Variants in KHDRBS2 observed in about 807,000 individuals in gnomAD.
KHDRBS2 encodes KH RNA binding domain containing, signal transduction associated 2.
A neutral mutation model predicts 44.3 loss-of-function variants in KHDRBS2; 26 were observed. The ratio of observed to expected loss-of-function variants is 0.59; its 90% CI spans 0.43 to 0.81. The LOEUF (loss-of-function observed/expected upper bound fraction) is 0.81. KHDRBS2 is among the 40% of genes least tolerant of loss of function. The probability of loss-of-function intolerance (pLI) is 0.00; values close to 1 mark genes in which losing one functional copy is unlikely to be tolerated. For synonymous variants in KHDRBS2, 194 were observed against 151.1 expected (o/e 1.28, Z -2.08); for missense variants, 476 against 433.1 (o/e 1.10, Z -0.88).
chr6:62,189,239 C>T (rs570584958), intron 1 of KHDRBS2, among the ~76,000 whole-genome samples: 1 of 152,212 alleles, frequency 6.6e-6, no homozygotes, highest in African/African-American at 2.4e-5. Context: ...TTGTGAGGAA[C>T]TGAAGCCTTT....
the KHDRBS2 span, among the ~76,000 whole-genome samples, chr6:61,607,704 T>C: frequency 8.5e-5 from 13 of 152,260 alleles, no homozygotes; most frequent in South Asian, 2.7e-3. Context: ...TTTTCTTTTT[T>C]TGAGGCAGAG....
intron 2 of KHDRBS2, among the ~76,000 whole-genome samples, chr6:62,112,056 A>G (rs1584776050): frequency 6.6e-6 from 1 of 152,140 alleles, no homozygotes; most frequent in South Asian, 2.1e-4. Context: ...ATTATTTTTA[A>G]CTGATACGTG....
intron 3 of KHDRBS2, among the ~76,000 whole-genome samples, chr6:62,032,595 C>T (rs1419641722): frequency 6.6e-6 from 1 of 151,142 alleles, no homozygotes; most frequent in Non-Finnish European, 1.5e-5. Context: ...CAAGAGAACC[C>T]TGACAAATAA....
At chr6:61,769,183 G>A (rs1780444797) in intron 6 of KHDRBS2, among the ~76,000 whole-genome samples, 2 of 152,210 alleles carry the variant, frequency 1.3e-5, no homozygotes, top group Admixed American at 1.3e-4. Flanking sequence ...TGGGAGGGAG[G>A]AGCCAAGATG....
chr6:62,022,717 C>T (rs570528448), intron 3 of KHDRBS2, among the ~76,000 whole-genome samples: 9 of 151,722 alleles, frequency 5.9e-5, no homozygotes, highest in African/African-American at 1.9e-4. Context: ...CATTCAAAGA[C>T]CAATAGAATT....
chr6:61,847,282 G>A (rs1794556917), intron 6 of KHDRBS2, among the ~76,000 whole-genome samples: 1 of 152,026 alleles, frequency 6.6e-6, no homozygotes, highest in South Asian at 2.1e-4. Flanking sequence ...ACTTATATTT[G>A]TAAATACTTT....
intron 1 of KHDRBS2, among the ~76,000 whole-genome samples, chr6:62,201,251 G>T (rs1248407094): frequency 1.3e-5 from 2 of 151,708 alleles, no homozygotes; most frequent in Non-Finnish European, 2.9e-5. Context: ...AAATTTTAGA[G>T]TAGGGACAAG....
intron 2 of KHDRBS2, among the ~76,000 whole-genome samples, chr6:62,140,984 T>G (rs1371947000): frequency 6.6e-6 from 1 of 152,192 alleles, no homozygotes; most frequent in Non-Finnish European, 1.5e-5. Flanking sequence ...GAACAATAAT[T>G]TATAATCAGG....
At chr6:61,922,787 T>G (rs547586953) in intron 4 of KHDRBS2, among the ~76,000 whole-genome samples, 2 of 152,098 alleles carry the variant, frequency 1.3e-5, no homozygotes, top group African/African-American at 4.8e-5. Flanking sequence ...CCTAATAGAG[T>G]CCAACAATTT....
intron 3 of KHDRBS2, among the ~76,000 whole-genome samples, chr6:62,021,712 T>C (rs902765885): frequency 1.3e-4 from 19 of 151,706 alleles, no homozygotes; most frequent in African/African-American, 4.8e-5. Flanking sequence ...GATCTTTTGA[T>C]ACCCTTTTGA....
chr6:62,067,952 G>A (rs192117804), intron 2 of KHDRBS2, among the ~76,000 whole-genome samples: 30 of 151,664 alleles, frequency 2.0e-4, no homozygotes, highest in African/African-American at 7.2e-4. Context: ...TTTAACAGCG[G>A]ACACTTGAGT....
At chr6:61,609,918 A>T in the KHDRBS2 span, among the ~76,000 whole-genome samples, 89,883 of 152,002 alleles carry the variant, frequency 0.59, 26,781 homozygotes, top group Non-Finnish European at 0.61. Context: ...TCACGCCTAA[A>T]ATCCCAGCAT....
At chr6:62,275,261 C>T (rs1840739891) in intron 1 of KHDRBS2, among the ~76,000 whole-genome samples, 1 of 152,080 alleles carries the variant, frequency 6.6e-6, no homozygotes, top group South Asian at 2.1e-4. Flanking sequence ...CATTCCAAAG[C>T]AATATCATAA....
chr6:61,742,411 T>G (rs938301664), intron 6 of KHDRBS2, among the ~76,000 whole-genome samples: 3 of 152,052 alleles, frequency 2.0e-5, no homozygotes, highest in Non-Finnish European at 2.9e-5. Flanking sequence ...TTTTGATAGT[T>G]ACTATTTCTT....
intron 3 of KHDRBS2, among the ~76,000 whole-genome samples, chr6:62,001,903 C>T (rs1343799640): frequency 2.0e-5 from 3 of 152,016 alleles, no homozygotes; most frequent in Non-Finnish European, 4.4e-5. Flanking sequence ...TCTTGCATGG[C>T]TTTTACTGAA....
At chr6:62,272,649 T>C (rs1840272968) in intron 1 of KHDRBS2, among the ~76,000 whole-genome samples, 1 of 152,062 alleles carries the variant, frequency 6.6e-6, no homozygotes, top group African/African-American at 2.4e-5. Flanking sequence ...ATGTTGGCAG[T>C]GAGTGGTCAG....
At chr6:62,196,767 G>T (rs558995581) in intron 1 of KHDRBS2, among the ~76,000 whole-genome samples, 1 of 152,166 alleles carries the variant, frequency 6.6e-6, no homozygotes, top group African/African-American at 2.4e-5. Flanking sequence ...GGCCAAACAG[G>T]CAAGGACTTG....
chr6:61,945,108 A>ATTT, intron 4 of KHDRBS2, among the ~76,000 whole-genome samples: 1 of 54,996 alleles, frequency 1.8e-5, no homozygotes, highest in Non-Finnish European at 3.0e-5. Context: ...AAAAAAAAAA[A>ATTT]AAAAGTATAT....
chr6:62,041,750 G>A (rs1284657242), intron 3 of KHDRBS2, among the ~76,000 whole-genome samples: 5 of 152,080 alleles, frequency 3.3e-5, no homozygotes, highest in South Asian at 4.1e-4. Flanking sequence ...GTCTAGATGC[G>A]AATAAAATCA....
Sources: gnomAD v4.1 joint callset for allele counts (sites outside exome capture counted in the v4.1 genomes callset) on GRCh38, gnomAD v4.1.1 for gene constraint, MANE v1.5 for transcripts, NCBI Gene and HGNC (gene_info 2026-07-23, HGNC 2026-07-21) for gene names.